The following CDK14 variants were observed in gnomAD, a reference collection of about 807,000 sequenced individuals.
CDK14 encodes cyclin dependent kinase 14, also known as cyclin-dependent kinase 14.
In CDK14, 34 loss-of-function variants were observed where a neutral mutation model predicts 60.7. The observed-to-expected ratio is 0.56, with a 90% CI of 0.43 to 0.75. CDK14 has a LOEUF of 0.75. Ranked by LOEUF, CDK14 falls within the 30% of genes least tolerant of loss-of-function variation. The probability of loss-of-function intolerance (pLI) is 0.00; values close to 1 mark genes in which losing one functional copy is unlikely to be tolerated. For synonymous variants in CDK14, 197 were observed against 203.7 expected (o/e 0.97, Z 0.28); for missense variants, 482 against 564.1 (o/e 0.85, Z 1.47).
intron 2 of CDK14, among the ~76,000 whole-genome samples, chr7:90,719,834 G>GTAT (rs1802381899): frequency 6.6e-6 from 1 of 152,196 alleles, no homozygotes; most frequent in South Asian, 2.1e-4. Flanking sequence ...GGAACAAGTA[G>GTAT]TATGAAAAAG....
chr7:91,090,648 C>T (rs1347455087), intron 12 of CDK14, among the ~76,000 whole-genome samples: 1 of 152,088 alleles, frequency 6.6e-6, no homozygotes, highest in Non-Finnish European at 1.5e-5. Flanking sequence ...TTTATTTTTG[C>T]ACTTATTTCT....
chr7:91,104,080 A>T (rs1194560143), intron 12 of CDK14, among the ~76,000 whole-genome samples: 10 of 151,630 alleles, frequency 6.6e-5, no homozygotes, highest in South Asian at 6.2e-4. Flanking sequence ...GTTTTTTTTT[A>T]AAAGAGTTTC....
In CDK14 at chr7:91,113,677, A is replaced by G. The variant is rs1022298748; in HGVS notation, c.1294+996A>G. ...TTGGTATACATCACTTACAGTAGAC[A>G]TATGATTATTTCTTCATTATCTTGG... is the stretch of plus-strand genomic sequence containing the variant. On this transcript the variant is annotated intron_variant, in intron 13 of 14. Transcript: ENST00000380050. Among the ~76,000 whole-genome samples, 7 of 152,210 alleles carry G rather than the reference A, an allele frequency of 4.6e-5. No individual in the cohort carries two copies. In the East Asian group the frequency reaches 9.6e-4, roughly 21 times the overall value.
At chr7:90,984,932 C>T (rs1270046806) in intron 10 of CDK14, among the ~76,000 whole-genome samples, 1 of 152,166 alleles carries the variant, frequency 6.6e-6, no homozygotes, top group Non-Finnish European at 1.5e-5. Flanking sequence ...CTGGCATAAA[C>T]CACAGGAGAC....
chr7:90,824,855 A>G (rs1048956947), intron 5 of CDK14: 10 of 152,334 alleles, frequency 6.6e-5, no homozygotes, highest in African/African-American at 2.4e-4. Flanking sequence ...AATAACTTAA[A>G]ATAGTAATAA....
At chr7:90,992,083 T>C (rs1037581092) in intron 10 of CDK14, among the ~76,000 whole-genome samples, 3 of 152,238 alleles carry the variant, frequency 2.0e-5, no homozygotes, top group Non-Finnish European at 4.4e-5. Context: ...ATTAGATGGA[T>C]GTTCTAATAA....
intron 4 of CDK14, among the ~76,000 whole-genome samples, chr7:90,772,681 G>A (rs1225124393): frequency 2.0e-5 from 3 of 152,074 alleles, no homozygotes; most frequent in East Asian, 1.9e-4. Context: ...CTCCCCAACC[G>A]TGTTTCCTGA....
intron 5 of CDK14, among the ~76,000 whole-genome samples, chr7:90,803,885 T>G (rs946405342): frequency 5.3e-5 from 8 of 152,206 alleles, no homozygotes; most frequent in Admixed American, 5.2e-4. Context: ...AAGATTTTTT[T>G]TGTGCAAAGT....
At chr7:91,140,407 G>A (rs1800420266) in intron 14 of CDK14, among the ~76,000 whole-genome samples, 2 of 152,152 alleles carry the variant, frequency 1.3e-5, no homozygotes, top group African/African-American at 4.8e-5. Flanking sequence ...TTAATCCTGA[G>A]TTCTGTTGTG....
chr7:91,036,253 T>C (rs561888438), intron 10 of CDK14, among the ~76,000 whole-genome samples: 25 of 152,338 alleles, frequency 1.6e-4, no homozygotes, highest in African/African-American at 4.8e-4. Flanking sequence ...TCTTGCAGGC[T>C]GTGGAACTAA....
intron 2 of CDK14, among the ~76,000 whole-genome samples, chr7:90,714,604 C>A (rs1326689417): frequency 6.6e-6 from 1 of 152,042 alleles, no homozygotes; most frequent in Non-Finnish European, 1.5e-5. Flanking sequence ...GTTCATTGTT[C>A]CCAGTGTTCC....
intron 9 of CDK14, among the ~76,000 whole-genome samples, chr7:90,968,525 GA>G (rs2117617774): frequency 6.6e-6 from 1 of 152,214 alleles, no homozygotes; most frequent in East Asian, 1.9e-4. Flanking sequence ...TGAGACAATA[GA>G]TTCCAAGAGT....
At chr7:90,985,238 G>A (rs1006763850) in intron 10 of CDK14, among the ~76,000 whole-genome samples, 2 of 152,092 alleles carry the variant, frequency 1.3e-5, no homozygotes, top group African/African-American at 2.4e-5. Context: ...CAGACTATCT[G>A]GGCTTATCAC....
chr7:90,797,550 C>A (rs1173648684), intron 5 of CDK14, among the ~76,000 whole-genome samples: 1 of 151,884 alleles, frequency 6.6e-6, no homozygotes, highest in Non-Finnish European at 1.5e-5. Flanking sequence ...GCCTTAGTAA[C>A]CCTACGTATT....
At chr7:90,788,561 A>C (rs991441410) in intron 4 of CDK14, among the ~76,000 whole-genome samples, 1 of 152,220 alleles carries the variant, frequency 6.6e-6, no homozygotes, top group African/African-American at 2.4e-5. Context: ...AGGAGATGGT[A>C]CGTTGTGGAG....
chr7:91,070,248 T>TTGC (rs904027568), intron 11 of CDK14, among the ~76,000 whole-genome samples: 277 of 131,266 alleles, frequency 2.1e-3, no homozygotes, highest in African/African-American at 7.4e-3. Flanking sequence ...TATTTTGTTG[T>TTGC]TGCTGCTGCT....
rs182286347 is a variant in CDK14 at position 91,005,929 on chromosome 7, G to A, written c.1041+21688G>A. Among the ~76,000 whole-genome samples the A allele has an allele frequency of 6.0e-4, 92 of 152,336 alleles. 1 individual carries two copies. The highest frequency in any genetic ancestry group is 1.2e-3 in the South Asian group (6 of 4,822). On this transcript the variant is annotated intron_variant, in intron 10 of 14. Transcript: ENST00000380050. ...GGGTCCACATGGCACTTAACAGATG[G>A]TGATGTGGGCGACTGTGGTTTAAGA... is the stretch of plus-strand genomic sequence containing the variant.
At chr7:90,682,733 C>G (rs1049746724) in intron 2 of CDK14, among the ~76,000 whole-genome samples, 1 of 152,138 alleles carries the variant, frequency 6.6e-6, no homozygotes, top group Non-Finnish European at 1.5e-5. Flanking sequence ...ATTTACTTGT[C>G]ATATCTTTTT....
chr7:91,102,711 C>A (rs1799178270), intron 12 of CDK14, among the ~76,000 whole-genome samples: 1 of 150,410 alleles, frequency 6.6e-6, no homozygotes. Flanking sequence ...CTTCCCACTT[C>A]AAAAACCAAA....
Sources: allele counts gnomAD v4.1 joint callset (sites outside exome capture counted in the v4.1 genomes callset), GRCh38; gene constraint gnomAD v4.1.1; transcripts MANE v1.5; gene names NCBI Gene and HGNC (gene_info 2026-07-23, HGNC 2026-07-21).